The following DNER variants were observed in gnomAD, a reference collection of about 807,000 sequenced individuals.
DNER encodes delta and Notch-like epidermal growth factor-related receptor.
DNER carries 33 observed loss-of-function variants against 78.2 expected under a neutral mutation model. That is an observed-to-expected ratio of 0.42 (90% CI 0.32 to 0.56). The LOEUF is 0.56. Among genes scored for constraint, DNER ranks in the 20% least tolerant of loss-of-function variants. The probability of loss-of-function intolerance (pLI) is 0.11; values close to 1 mark genes in which losing one functional copy is unlikely to be tolerated. For missense variants in DNER, 918 were observed against 975.3 expected (o/e 0.94, Z 0.78); for synonymous variants, 417 against 384.8 (o/e 1.08, Z -0.98).
chr2:229,373,277 T>C lies in DNER; in HGVS notation c.1856-6158A>G, dbSNP rs151252915. Reference sequence around the variant, plus strand: ...AAAACCAAATAACCTCATTCAAAAGTGGGCAGGAGATATGCACAGACACTT... The same window carrying C: ...AAAACCAAATAACCTCATTCAAAAGCGGGCAGGAGATATGCACAGACACTT... On this transcript the variant is annotated intron_variant, in intron 11 of 12. Transcript: ENST00000341772. Among the ~76,000 whole-genome samples the C allele has an allele frequency of 3.6e-3, 545 of 152,256 alleles. 4 individuals are homozygous for C. The highest frequency in any genetic ancestry group is 0.013 in the African/African-American group (527 of 41,540).
intron 9 of DNER, among the ~76,000 whole-genome samples, chr2:229,417,531 C>T (rs1039171404): frequency 1.4e-4 from 21 of 151,816 alleles, no homozygotes; most frequent in Non-Finnish European, 2.2e-4. Flanking sequence ...TTAGGAACCA[C>T]GCTGACCAGG....
At chr2:229,545,672 G>A (rs559749042) in intron 5 of DNER, among the ~76,000 whole-genome samples, 9 of 152,320 alleles carry the variant, frequency 5.9e-5, no homozygotes, top group African/African-American at 1.2e-4. Flanking sequence ...CTGCTGCCTG[G>A]AAACAGAAAA....
chr2:229,433,989 C>A (rs548122925), intron 8 of DNER, among the ~76,000 whole-genome samples: 1 of 152,250 alleles, frequency 6.6e-6, no homozygotes, highest in Non-Finnish European at 1.5e-5. Flanking sequence ...TCTAAGGTAA[C>A]AATTTTTGCA....
chr2:229,647,283 T>C (rs185903952), intron 1 of DNER, among the ~76,000 whole-genome samples: 4 of 152,148 alleles, frequency 2.6e-5, no homozygotes, highest in Admixed American at 2.6e-4. Context: ...GGAGCAGCAA[T>C]CTAGGAAAAG....
chr2:229,615,411 TAA>T (rs765871543), intron 1 of DNER, among the ~76,000 whole-genome samples: 2,292 of 116,404 alleles, frequency 0.02, 62 homozygotes, highest in African/African-American at 0.068. Context: ...AACTCCGTCT[TAA>T]AAAAAAAAAA....
intron 5 of DNER, among the ~76,000 whole-genome samples, chr2:229,543,676 G>A (rs1230186789): frequency 6.6e-6 from 1 of 152,156 alleles, no homozygotes; most frequent in Admixed American, 6.5e-5. Context: ...TCAGAAGGCA[G>A]GAAGGCCTGC....
At chr2:229,452,113 A>G (rs1344968092) in intron 7 of DNER, among the ~76,000 whole-genome samples, 3 of 152,224 alleles carry the variant, frequency 2.0e-5, no homozygotes, top group Admixed American at 2.0e-4. Context: ...TTCTGAGGCT[A>G]CTGGATATCA....
At chr2:229,511,725 C>A (rs574051949) in intron 6 of DNER, among the ~76,000 whole-genome samples, 3 of 152,230 alleles carry the variant, frequency 2.0e-5, no homozygotes, top group African/African-American at 7.2e-5. Context: ...ACACTCAGTA[C>A]ATACTTGTGG....
intron 2 of DNER, 111 bp from the exon 3 acceptor site, chr2:229,588,599 G>A: frequency 1.2e-6 from 1 of 848,774 alleles, no homozygotes; most frequent in Non-Finnish European, 1.9e-6. Flanking sequence ...GATGATGCGG[G>A]GGTAGGGCTA....
chr2:229,402,632 G>A (rs1284033988), intron 10 of DNER, among the ~76,000 whole-genome samples: 1 of 152,212 alleles, frequency 6.6e-6, no homozygotes, highest in Non-Finnish European at 1.5e-5. Flanking sequence ...CTGTTCAAAT[G>A]ACAATGTCAA....
chr2:229,418,850 G>A (rs957795034), intron 8 of DNER, among the ~76,000 whole-genome samples: 1 of 152,026 alleles, frequency 6.6e-6, no homozygotes, highest in African/African-American at 2.4e-5. Flanking sequence ...GAACCTGGGA[G>A]GCAGAGGTTG....
At chr2:229,559,098 TG>T (rs1559166616) in intron 4 of DNER, among the ~76,000 whole-genome samples, 1 of 152,260 alleles carries the variant, frequency 6.6e-6, no homozygotes, top group South Asian at 2.1e-4. Context: ...GGCAACTTTG[TG>T]GGGGGTGTGG....
At chr2:229,387,561 AAGAAAG>A (rs1234305395) in intron 11 of DNER, among the ~76,000 whole-genome samples, 221 of 149,890 alleles carry the variant, frequency 1.5e-3, no homozygotes, top group Middle Eastern at 6.8e-3. Context: ...GAAAGAAAGA[AAGAAAG>A]AAAAGAAAGA....
At chr2:229,391,413 C>CA (rs745534844) in intron 10 of DNER, among the ~76,000 whole-genome samples, 48 of 151,378 alleles carry the variant, frequency 3.2e-4, no homozygotes, top group Non-Finnish European at 6.5e-4. Context: ...AATTTGAGTT[C>CA]AAAAAAAACA....
At chr2:229,569,476 C>T (rs1282040165) in intron 4 of DNER, among the ~76,000 whole-genome samples, 2 of 151,980 alleles carry the variant, frequency 1.3e-5, no homozygotes, top group African/African-American at 2.4e-5. Flanking sequence ...GAGCCAAGAT[C>T]GAGCCACTGC....
At chr2:229,370,737 C>A (rs549420912) in intron 11 of DNER, among the ~76,000 whole-genome samples, 3 of 152,188 alleles carry the variant, frequency 2.0e-5, no homozygotes, top group Non-Finnish European at 4.4e-5. Context: ...ATCCATTTAG[C>A]ATCAACACAA....
chr2:229,369,920 C>T (rs1692443653), intron 11 of DNER, among the ~76,000 whole-genome samples: 1 of 152,176 alleles, frequency 6.6e-6, no homozygotes, highest in South Asian at 2.1e-4. Context: ...CACCATTCCA[C>T]ACTTCCCCAC....
chr2:229,452,874 C>T (rs772724961), intron 7 of DNER, among the ~76,000 whole-genome samples: 29 of 152,044 alleles, frequency 1.9e-4, no homozygotes, highest in East Asian at 1.9e-4. Context: ...GTGATCCACT[C>T]GCCTCAGCCT....
intron 9 of DNER, among the ~76,000 whole-genome samples, chr2:229,415,712 G>A (rs144311275): frequency 6.6e-6 from 1 of 152,144 alleles, no homozygotes; most frequent in African/African-American, 2.4e-5. Flanking sequence ...TTAGGGTATA[G>A]GGTGCTATAT....
Sources: gnomAD v4.1 joint callset for allele counts (sites outside exome capture counted in the v4.1 genomes callset) on GRCh38, gnomAD v4.1.1 for gene constraint, MANE v1.5 for transcripts, NCBI Gene and HGNC (gene_info 2026-07-23, HGNC 2026-07-21) for gene names.